CDH18: variants seen among roughly 807,000 people sequenced by gnomAD.
The protein encoded by CDH18 is cadherin 18, also known as cadherin-18.
Under a neutral mutation model 67.9 loss-of-function variants are expected in CDH18, and 31 were observed. The observed-to-expected ratio is 0.46, with a 90% CI of 0.34 to 0.62. The LOEUF (loss-of-function observed/expected upper bound fraction) is 0.62, where lower values mean the gene tolerates loss of function less well. Among genes scored for constraint, CDH18 ranks in the 20% least tolerant of loss-of-function variants. The pLI is 0.01. For synonymous variants in CDH18, 362 were observed against 347.2 expected, an observed-to-expected ratio of 1.04 and a Z score of -0.48; for missense variants, 890 against 975.5, an observed-to-expected ratio of 0.91 and a Z score of 1.17.
intron 2 of CDH18, among the ~76,000 whole-genome samples, chr5:19,873,718 G>A (rs1435967734): frequency 1.3e-5 from 2 of 152,048 alleles, no homozygotes; most frequent in Non-Finnish European, 2.9e-5. Flanking sequence ...CACGATCTTG[G>A]CTCACTGCAA....
At chr5:20,532,386 T>A (rs1418049119) in intron 1 of CDH18, among the ~76,000 whole-genome samples, 2 of 152,138 alleles carry the variant, frequency 1.3e-5, no homozygotes, top group Non-Finnish European at 2.9e-5. Flanking sequence ...CCTGAGAGTC[T>A]CTTTTTTTCT....
At chr5:19,897,618 G>A (rs910712930) in intron 2 of CDH18, among the ~76,000 whole-genome samples, 9 of 151,918 alleles carry the variant, frequency 5.9e-5, no homozygotes, top group Admixed American at 2.0e-4. Context: ...GCACATACAC[G>A]TATACCTAGA....
chr5:20,524,147 A>G (rs1471968232), intron 1 of CDH18, among the ~76,000 whole-genome samples: 1 of 152,200 alleles, frequency 6.6e-6, no homozygotes, highest in Admixed American at 6.5e-5. Flanking sequence ...GTGCCACTTC[A>G]CTAAAGCACC....
intron 1 of CDH18, among the ~76,000 whole-genome samples, chr5:20,565,974 T>C (rs1031282044): frequency 2.6e-5 from 4 of 152,156 alleles, no homozygotes; most frequent in Non-Finnish European, 5.9e-5. Context: ...TAAAATCTAG[T>C]ATCTCACACA....
chr5:19,542,471 C>T (rs1481798731), intron 9 of CDH18, among the ~76,000 whole-genome samples: 2 of 152,040 alleles, frequency 1.3e-5, no homozygotes, highest in African/African-American at 2.4e-5. Context: ...CCAATGCCTA[C>T]AGCAATATTA....
At chr5:19,735,497 G>A (rs976398557) in intron 4 of CDH18, among the ~76,000 whole-genome samples, 3 of 150,692 alleles carry the variant, frequency 2.0e-5, no homozygotes, top group South Asian at 2.1e-4. Context: ...CTGGGTTCAC[G>A]CCATTCTCCT....
chr5:20,469,003 C>T (rs1293128226), intron 1 of CDH18, among the ~76,000 whole-genome samples: 1 of 152,182 alleles, frequency 6.6e-6, no homozygotes, highest in Non-Finnish European at 1.5e-5. Flanking sequence ...CTACCTATGT[C>T]CTCGGCTGAA....
intron 5 of CDH18, among the ~76,000 whole-genome samples, chr5:19,689,866 A>G (rs550409971): frequency 1.3e-3 from 201 of 151,916 alleles, no homozygotes; most frequent in Middle Eastern, 3.4e-3. Context: ...TGCTGCCTAC[A>G]AGAAATTCAC....
chr5:20,408,316 C>T (rs1349388194), intron 1 of CDH18, among the ~76,000 whole-genome samples: 2 of 151,870 alleles, frequency 1.3e-5, no homozygotes, highest in Admixed American at 1.3e-4. Context: ...GATAGCCTAC[C>T]AAGTATAAAA....
intron 2 of CDH18, among the ~76,000 whole-genome samples, chr5:20,155,547 T>A (rs1282246466): frequency 6.6e-6 from 1 of 152,210 alleles, no homozygotes; most frequent in Non-Finnish European, 1.5e-5. Context: ...GTTGAGTATT[T>A]CTTTTGTTGT....
At chr5:19,673,476 T>A (rs753893250) in intron 5 of CDH18, among the ~76,000 whole-genome samples, 15 of 151,926 alleles carry the variant, frequency 9.9e-5, no homozygotes, top group Non-Finnish European at 1.5e-5. Context: ...AGGTAAACCT[T>A]CAAAAATAAA....
intron 5 of CDH18, among the ~76,000 whole-genome samples, chr5:19,675,080 C>T (rs965643708): frequency 3.3e-5 from 5 of 151,978 alleles, no homozygotes; most frequent in East Asian, 1.9e-4. Context: ...TTCCGTGACG[C>T]CCCTGAGCCG....
chr5:19,727,203 A>G (rs1281840891), intron 4 of CDH18, among the ~76,000 whole-genome samples: 1 of 152,200 alleles, frequency 6.6e-6, no homozygotes, highest in Non-Finnish European at 1.5e-5. Flanking sequence ...TCCCAAATTG[A>G]TATGTTGAAG....
intron 1 of CDH18, among the ~76,000 whole-genome samples, chr5:20,333,526 T>TACACACACACACACAC (rs1452450309): frequency 1.3e-4 from 15 of 111,774 alleles, no homozygotes; most frequent in African/African-American, 3.8e-4. Context: ...AAACAATATA[T>TACACACACACACACAC]ATACACACAC....
chr5:19,659,229 C>G (rs979302243), intron 5 of CDH18, among the ~76,000 whole-genome samples: 2 of 152,030 alleles, frequency 1.3e-5, no homozygotes, highest in African/African-American at 4.8e-5. Flanking sequence ...CCACCACCAT[C>G]AAGAGAAGTA....
intron 3 of CDH18, among the ~76,000 whole-genome samples, chr5:19,826,584 A>C (rs1219511136): frequency 6.6e-6 from 1 of 152,190 alleles, no homozygotes; most frequent in Admixed American, 6.5e-5. Flanking sequence ...TAGCATTCTT[A>C]AAGAAAAGAA....
chr5:20,305,429 C>T (rs1419675894), intron 1 of CDH18: 3 of 1,526,318 alleles, frequency 2.0e-6, no homozygotes, highest in Non-Finnish European at 1.8e-6. Context: ...TCTGTCAGTT[C>T]CTTCTCGGCT....
chr5:20,374,283 A>C (rs1042068533), intron 1 of CDH18, among the ~76,000 whole-genome samples: 1 of 152,356 alleles, frequency 6.6e-6, no homozygotes, highest in South Asian at 2.1e-4. Context: ...ATGTTGAATG[A>C]GATTATTCAG....
chr5:20,271,197 T>C (rs958775184), intron 1 of CDH18, among the ~76,000 whole-genome samples: 1 of 152,068 alleles, frequency 6.6e-6, no homozygotes, highest in Non-Finnish European at 1.5e-5. Context: ...GAAACTTATT[T>C]TTTCACTGGA....
Sources: gnomAD v4.1 joint callset for allele counts (sites outside exome capture counted in the v4.1 genomes callset) on GRCh38, gnomAD v4.1.1 for gene constraint, MANE v1.5 for transcripts, NCBI Gene and HGNC (gene_info 2026-07-23, HGNC 2026-07-21) for gene names.